GPHN: variants seen among roughly 807,000 people sequenced by gnomAD.
GPHN encodes gephyrin.
Under a neutral mutation model 95.5 loss-of-function variants are expected in GPHN, and 17 were observed. That is an observed-to-expected ratio of 0.18 (90% CI 0.12 to 0.27). The LOEUF (loss-of-function observed/expected upper bound fraction) is 0.27, where lower values mean the gene tolerates loss of function less well. Ranked by LOEUF, GPHN falls within the 10% of genes least tolerant of loss-of-function variation. GPHN has a pLI of 1.00. For synonymous variants in GPHN, 320 were observed against 322.5 expected, an observed-to-expected ratio of 0.99 and a Z score of 0.08; for missense variants, 660 against 978.1, an observed-to-expected ratio of 0.67 and a Z score of 4.34.
chr14:67,248,534 A>G, the GPHN span, among the ~76,000 whole-genome samples: 1 of 152,132 alleles, frequency 6.6e-6, no homozygotes, highest in African/African-American at 2.4e-5. Context: ...TGTCTCATAT[A>G]ATTTTATAGT....
chr14:66,869,573 C>G (rs1185236602), intron 4 of GPHN, among the ~76,000 whole-genome samples: 1 of 152,172 alleles, frequency 6.6e-6, no homozygotes, highest in Non-Finnish European at 1.5e-5. Flanking sequence ...AGTGCTCTTG[C>G]ATCTGGGTTC....
chr14:67,400,040 T>G, the GPHN span, among the ~76,000 whole-genome samples: 9 of 152,330 alleles, frequency 5.9e-5, no homozygotes, highest in East Asian at 1.5e-3. Flanking sequence ...AAGGCCCTTT[T>G]AGTTCTCAAT....
At chr14:67,043,124 T>C (rs999570543) in intron 10 of GPHN, among the ~76,000 whole-genome samples, 2 of 152,184 alleles carry the variant, frequency 1.3e-5, no homozygotes, top group Non-Finnish European at 2.9e-5. Context: ...CTTAAGGAGA[T>C]TTTGGGCTGA....
chr14:66,694,510 C>A (rs1428313136), intron 2 of GPHN, among the ~76,000 whole-genome samples: 1 of 152,168 alleles, frequency 6.6e-6, no homozygotes, highest in African/African-American at 2.4e-5. Flanking sequence ...ACCTGGACAT[C>A]TGCATGCTTT....
At chr14:66,765,819 A>G (rs543946355) in intron 2 of GPHN, among the ~76,000 whole-genome samples, 17 of 152,338 alleles carry the variant, frequency 1.1e-4, no homozygotes, top group Non-Finnish European at 2.5e-4. Flanking sequence ...TTTATTATCT[A>G]CATATAGTCA....
At chr14:66,808,322 G>A (rs955315939) in intron 3 of GPHN, among the ~76,000 whole-genome samples, 4 of 151,764 alleles carry the variant, frequency 2.6e-5, no homozygotes, top group Admixed American at 6.6e-5. Context: ...TCTCCTCCTC[G>A]GTTGTTTGCC....
At chr14:66,635,096 G>T (rs1056451126) in intron 1 of GPHN, among the ~76,000 whole-genome samples, 2 of 152,126 alleles carry the variant, frequency 1.3e-5, no homozygotes, top group Admixed American at 1.3e-4. Flanking sequence ...TGGAGCTGTT[G>T]ACAATGTTCA....
chr14:67,307,385 C>G, the GPHN span, among the ~76,000 whole-genome samples: 2 of 152,200 alleles, frequency 1.3e-5, no homozygotes, highest in Admixed American at 6.5e-5. Flanking sequence ...CATAATCTAA[C>G]AAGGAGTGTA....
chr14:66,521,151 G>A lies in GPHN; in HGVS notation c.64+12560G>A, dbSNP rs2058469599. 1.3e-5 allele frequency among the ~76,000 whole-genome samples: 2 copies of A among 152,100 alleles called. 1 individual carries two copies. The highest frequency in any genetic ancestry group is 4.1e-4 in the South Asian group (2 of 4,828). ...TTCCATGTCTTTGCTATTATGAATA[G>A]TGCTACAGTGAACATTCATGTGTAT... On this transcript the variant is annotated intron_variant, in intron 1 of 22. Coordinates refer to ENST00000478722, the MANE Select transcript of GPHN (RefSeq NM_020806.5).
chr14:66,662,638 C>T (rs1231236866), intron 1 of GPHN, among the ~76,000 whole-genome samples: 4 of 152,162 alleles, frequency 2.6e-5, no homozygotes, highest in African/African-American at 7.2e-5. Context: ...GCCGAAATGA[C>T]AGAAGTAGAC....
chr14:67,582,198 C>T, the GPHN span: 3 of 1,613,706 alleles, frequency 1.9e-6, no homozygotes, highest in Non-Finnish European at 2.5e-6. This position sits in a 1 kb window ranked among gnomAD's most constrained non-coding sequence, Gnocchi z 5.0. Context: ...AGATGGCTGC[C>T]CTGATGGCCC....
the GPHN span, chr14:67,663,128 GC>G: frequency 6.6e-7 from 1 of 1,526,480 alleles, no homozygotes; most frequent in Non-Finnish European, 8.7e-7. Flanking sequence ...TCCCCTTTCA[GC>G]CTTTCCCATT....
intron 1 of GPHN, among the ~76,000 whole-genome samples, chr14:66,557,235 AGG>A (rs1491294525): frequency 1.6e-5 from 2 of 127,692 alleles, no homozygotes; most frequent in African/African-American, 6.0e-5. Flanking sequence ...ATACATAGGT[AGG>A]TAGATAGATA....
the GPHN span, among the ~76,000 whole-genome samples, chr14:67,564,837 C>T: frequency 6.6e-6 from 1 of 151,998 alleles, no homozygotes; most frequent in African/African-American, 2.4e-5. Flanking sequence ...TACAGGCATG[C>T]ACCACCATGC....
At chr14:66,906,260 G>A (rs1203023563) in intron 5 of GPHN, among the ~76,000 whole-genome samples, 1 of 152,062 alleles carries the variant, frequency 6.6e-6, no homozygotes, top group Non-Finnish European at 1.5e-5. Context: ...AGTTTCCAGG[G>A]TCAGAGACTA....
At chr14:66,539,086 C>T (rs1050536509) in intron 1 of GPHN, among the ~76,000 whole-genome samples, 5 of 152,034 alleles carry the variant, frequency 3.3e-5, no homozygotes, top group Admixed American at 2.6e-4. Context: ...TCTCCACAGC[C>T]CTGAAAGACT....
intron 1 of GPHN, among the ~76,000 whole-genome samples, chr14:66,609,689 A>G (rs983498753): frequency 2.0e-5 from 3 of 152,130 alleles, no homozygotes; most frequent in Non-Finnish European, 2.9e-5. Flanking sequence ...CTGGTCTTCA[A>G]GCTCTGAGCT....
At chr14:67,069,930 A>G (rs1049683250) in intron 11 of GPHN, among the ~76,000 whole-genome samples, 2 of 152,252 alleles carry the variant, frequency 1.3e-5, no homozygotes, top group Admixed American at 6.5e-5. Flanking sequence ...AAGTGAAAGC[A>G]TATATTTTTA....
chr14:66,610,450 C>T (rs936174275), intron 1 of GPHN, among the ~76,000 whole-genome samples: 2 of 152,002 alleles, frequency 1.3e-5, no homozygotes, highest in African/African-American at 2.4e-5. Flanking sequence ...GGTGTTTCCT[C>T]TCTGAAGATT....
Sources: gnomAD v4.1 joint callset for allele counts (sites outside exome capture counted in the v4.1 genomes callset) on GRCh38, gnomAD v4.1.1 for gene constraint, Gnocchi (gnomAD v3.1) non-coding constraint, MANE v1.5 for transcripts, NCBI Gene and HGNC (gene_info 2026-07-23, HGNC 2026-07-21) for gene names.